Variants in ARHGAP24 observed in about 807,000 individuals in gnomAD.
ARHGAP24 encodes rho GTPase-activating protein 24.
In ARHGAP24, 50 loss-of-function variants were observed where a neutral mutation model predicts 76.4. The ratio of observed to expected loss-of-function variants is 0.65; its 90% CI spans 0.52 to 0.83. ARHGAP24 has a LOEUF of 0.83. ARHGAP24 is among the 40% of genes least tolerant of loss of function. The probability of loss-of-function intolerance (pLI) is 0.00; values close to 1 mark genes in which losing one functional copy is unlikely to be tolerated. For synonymous variants in ARHGAP24, 345 were observed against 323.3 expected (o/e 1.07, Z -0.72); for missense variants, 930 against 914.2 (o/e 1.02, Z -0.22).
intron 3 of ARHGAP24, among the ~76,000 whole-genome samples, chr4:85,759,330 A>G (rs898595042): frequency 1.5e-4 from 23 of 152,212 alleles, no homozygotes; most frequent in Admixed American, 1.5e-3. Context: ...AGAACCAGGA[A>G]AGACTTAATG....
chr4:85,597,044 A>T (rs1202234882), intron 2 of ARHGAP24, among the ~76,000 whole-genome samples: 3 of 152,144 alleles, frequency 2.0e-5, no homozygotes, highest in Non-Finnish European at 4.4e-5. Flanking sequence ...TCAGTCTGTC[A>T]CTGAAAAATG....
chr4:85,500,933 A>G (rs1323454272), intron 1 of ARHGAP24, among the ~76,000 whole-genome samples: 1 of 136,488 alleles, frequency 7.3e-6, no homozygotes, highest in Non-Finnish European at 1.5e-5. Context: ...AAGTGTTCTC[A>G]TTGTTCAATT....
intron 5 of ARHGAP24, among the ~76,000 whole-genome samples, chr4:85,948,674 C>G (rs758580642): frequency 6.6e-6 from 1 of 152,014 alleles, no homozygotes; most frequent in Non-Finnish European, 1.5e-5. Context: ...TAAAACGCAC[C>G]AATGCATAAA....
chr4:85,693,827 G>A (rs958094863), intron 2 of ARHGAP24, among the ~76,000 whole-genome samples: 1 of 152,220 alleles, frequency 6.6e-6, no homozygotes, highest in Non-Finnish European at 1.5e-5. Context: ...GGGCATGGGT[G>A]CCTATGGCCG....
intron 3 of ARHGAP24, among the ~76,000 whole-genome samples, chr4:85,837,688 A>T (rs1009937325): frequency 1.3e-5 from 2 of 152,110 alleles, no homozygotes; most frequent in Admixed American, 1.3e-4. Flanking sequence ...CAGAAGTAAA[A>T]TATGCTCAGG....
intron 2 of ARHGAP24, among the ~76,000 whole-genome samples, chr4:85,665,629 G>T (rs1214284052): frequency 6.6e-6 from 1 of 152,250 alleles, no homozygotes; most frequent in African/African-American, 2.4e-5. Context: ...TTACAATTTG[G>T]CTTGATTTTG....
intron 3 of ARHGAP24, among the ~76,000 whole-genome samples, chr4:85,743,996 G>A (rs897058810): frequency 1.3e-5 from 2 of 152,018 alleles, no homozygotes; most frequent in Non-Finnish European, 2.9e-5. Context: ...GCCACCAAGA[G>A]CTATGGAATT....
At chr4:85,626,437 T>C (rs1287470507) in intron 2 of ARHGAP24, among the ~76,000 whole-genome samples, 1 of 152,198 alleles carries the variant, frequency 6.6e-6, no homozygotes, top group Non-Finnish European at 1.5e-5. Flanking sequence ...TGTCGAGAGA[T>C]CTGCTGTTAG....
chr4:85,903,714 G>A (rs968208917), intron 3 of ARHGAP24, among the ~76,000 whole-genome samples: 3 of 152,038 alleles, frequency 2.0e-5, no homozygotes, highest in Non-Finnish European at 2.9e-5. Flanking sequence ...CACTTGATCT[G>A]AATTGGACCC....
chr4:85,757,523 A>G (rs890051789), intron 3 of ARHGAP24, among the ~76,000 whole-genome samples: 1 of 152,110 alleles, frequency 6.6e-6, no homozygotes, highest in Admixed American at 6.6e-5. Context: ...AGCTTCATCC[A>G]TGTCCCTACA....
At chr4:85,889,666 C>A (rs1431846442) in intron 3 of ARHGAP24, among the ~76,000 whole-genome samples, 1 of 152,172 alleles carries the variant, frequency 6.6e-6, no homozygotes, top group South Asian at 2.1e-4. Flanking sequence ...GGATGGAATG[C>A]CAGGGGAGAA....
At chr4:85,765,609 T>A (rs1726902890) in intron 3 of ARHGAP24, among the ~76,000 whole-genome samples, 1 of 152,108 alleles carries the variant, frequency 6.6e-6, no homozygotes, top group Non-Finnish European at 1.5e-5. Flanking sequence ...TAAGAAAGAA[T>A]ATAATTAGAT....
chr4:85,923,272 A>G (rs534009446), intron 3 of ARHGAP24, among the ~76,000 whole-genome samples: 1 of 152,220 alleles, frequency 6.6e-6, no homozygotes, highest in South Asian at 2.1e-4. Flanking sequence ...TTCAAATGAA[A>G]GGCCAAACTC....
At chr4:85,517,428 G>A (rs181026143) in intron 1 of ARHGAP24, among the ~76,000 whole-genome samples, 8 of 152,148 alleles carry the variant, frequency 5.3e-5, no homozygotes, top group Admixed American at 5.2e-4. Context: ...TGGGGCAACT[G>A]ATATAACAGT....
At chr4:85,903,619 A>G (rs1036974702) in intron 3 of ARHGAP24, among the ~76,000 whole-genome samples, 2 of 152,122 alleles carry the variant, frequency 1.3e-5, no homozygotes, top group Admixed American at 6.5e-5. Context: ...ATATATATAT[A>G]AAAAGGATAT....
chr4:85,600,536 T>C (rs1425677688), intron 2 of ARHGAP24, among the ~76,000 whole-genome samples: 1 of 152,186 alleles, frequency 6.6e-6, no homozygotes, highest in Non-Finnish European at 1.5e-5. Flanking sequence ...ACACAGCACA[T>C]TCAAATTTTT....
chr4:85,506,210 T>C (rs991132079), intron 1 of ARHGAP24, among the ~76,000 whole-genome samples: 3 of 152,174 alleles, frequency 2.0e-5, no homozygotes, highest in African/African-American at 7.2e-5. Flanking sequence ...AGGGACCCAC[T>C]TGAGGAGGCA....
At chr4:85,656,528 C>T (rs568845989) in intron 2 of ARHGAP24, among the ~76,000 whole-genome samples, 147 of 152,160 alleles carry the variant, frequency 9.7e-4, no homozygotes, top group African/African-American at 3.4e-3. Flanking sequence ...AGTGCAGTGG[C>T]GTGATCTTGG....
At chr4:85,911,939 C>G (rs75919431) in intron 3 of ARHGAP24, among the ~76,000 whole-genome samples, 2,262 of 152,276 alleles carry the variant, frequency 0.015, 58 homozygotes, top group African/African-American at 0.051. Flanking sequence ...TTGGGAATAA[C>G]TTGTGGCCTT....
Sources: allele counts gnomAD v4.1 joint callset (sites outside exome capture counted in the v4.1 genomes callset), GRCh38; gene constraint gnomAD v4.1.1; transcripts MANE v1.5; gene names NCBI Gene and HGNC (gene_info 2026-07-23, HGNC 2026-07-21).